The following RNF138 variants were observed in gnomAD, a reference collection of about 807,000 sequenced individuals.
RNF138 encodes the protein E3 ubiquitin-protein ligase RNF138.
A neutral mutation model predicts 31.0 loss-of-function variants in RNF138; 12 were observed. That is an observed-to-expected ratio of 0.39 (90% CI 0.25 to 0.63). RNF138 has a LOEUF of 0.63. Among genes scored for constraint, RNF138 ranks in the 20% least tolerant of loss-of-function variants. The pLI, the probability that RNF138 is intolerant of heterozygous loss-of-function variation, is 0.52. For synonymous variants in RNF138, 105 were observed against 99.5 expected (o/e 1.06, Z -0.33); for missense variants, 192 against 300.1 (o/e 0.64, Z 2.66).
At chr18:32,113,600 T>A (rs955674666) in intron 3 of RNF138, 145 bp from the exon 4 acceptor site, 1 of 496,684 alleles carries the variant, frequency 2.0e-6, no homozygotes, top group Admixed American at 4.2e-5. Flanking sequence ...TAACTCCTAC[T>A]TAAGGATGAA....
chr18:32,107,876 T>A (rs1025083083), intron 2 of RNF138, among the ~76,000 whole-genome samples: 11 of 151,784 alleles, frequency 7.2e-5, no homozygotes, highest in Admixed American at 7.2e-4. Flanking sequence ...GGTACTTTTT[T>A]TTTGGAGACG....
chr18:32,092,683 C>G lies in RNF138; in HGVS notation c.-77-17C>G, dbSNP rs761860085. ...GTATCCTGATGCGATCCCCCTCCCC[C>G]CTCCGGGTTCATGTAGGGAGTCGGG... On this transcript the variant is annotated splice_polypyrimidine_tract_variant and intron_variant, in intron 1 of 7. Coordinates refer to ENST00000261593, the MANE Select transcript of RNF138 (RefSeq NM_016271.5). The G allele has an allele frequency of 2.6e-5, 19 of 736,038 alleles. No homozygotes were observed. The highest frequency in any genetic ancestry group is 1.9e-4 in the Admixed American group (9 of 47,878). 45.6% of individuals were successfully genotyped at this position (736,038 alleles called of 1,614,324 possible). A position where few individuals can be genotyped will look rare whatever the true frequency, so the allele number is the denominator to read the frequency against.
chr18:32,130,159 A>G lies in RNF138; in HGVS notation c.*972A>G, dbSNP rs2040450534. 2 of 152,326 alleles carry G rather than the reference A, an allele frequency of 1.3e-5. No homozygotes were observed. 9.4% of individuals were successfully genotyped at this position (152,326 alleles called of 1,614,324 possible). A position where few individuals can be genotyped will look rare whatever the true frequency, so the allele number is the denominator to read the frequency against. ...GTTATATATAGAATTTCTATTAAGG[A>G]TTTTTTAAATGGACAAGCAATAGGG... On this transcript the variant is annotated 3_prime_UTR_variant, in exon 8 of 8. Coordinates refer to ENST00000261593, the MANE Select transcript of RNF138 (RefSeq NM_016271.5).
At chr18:32,093,326 G>C (rs1166530263) in intron 2 of RNF138, among the ~76,000 whole-genome samples, 1 of 151,986 alleles carries the variant, frequency 6.6e-6, no homozygotes, top group East Asian at 1.9e-4. Context: ...GGCCGGCGGT[G>C]CTCGCGCGGG....
At chr18:32,096,218 G>A (rs1434158390) in intron 2 of RNF138, among the ~76,000 whole-genome samples, 1 of 152,172 alleles carries the variant, frequency 6.6e-6, no homozygotes, top group Non-Finnish European at 1.5e-5. Flanking sequence ...GGAGCAGCGT[G>A]GTCACATTTC....
At chr18:32,103,398 GCC>G (rs1395472508) in intron 2 of RNF138, among the ~76,000 whole-genome samples, 3 of 151,948 alleles carry the variant, frequency 2.0e-5, no homozygotes, top group Non-Finnish European at 4.4e-5. Context: ...TCACTATGTT[GCC>G]CAGGCTGGTC....
At chr18:32,106,651 G>A (rs1159797955) in intron 2 of RNF138, among the ~76,000 whole-genome samples, 1 of 151,498 alleles carries the variant, frequency 6.6e-6, no homozygotes, top group African/African-American at 2.4e-5. Context: ...GGCAAGCTCC[G>A]CCTCCCAGGT....
At chr18:32,119,463 C>T (rs1598861027) in intron 4 of RNF138, among the ~76,000 whole-genome samples, 1 of 151,990 alleles carries the variant, frequency 6.6e-6, no homozygotes, top group African/African-American at 2.4e-5. Context: ...CTAACTCTGT[C>T]TCTCAGGCTG....
intron 2 of RNF138, among the ~76,000 whole-genome samples, chr18:32,100,676 A>G (rs1362471815): frequency 1.3e-5 from 2 of 152,134 alleles, no homozygotes; most frequent in East Asian, 3.9e-4. Context: ...GGGTTTCACC[A>G]TGTTGGTCAG....
At position 32,093,131 on chromosome 18, in the gene RNF138, TCCC is replaced by T. The variant is rs1277271861; in HGVS notation, c.110+246_110+248del. On this transcript the variant is annotated intron_variant, in intron 2 of 7. Transcript: ENST00000261593. ...CTCCCGCTCTCCCGCTCTCCCGCTC[TCCC>T]GCTCTCCCGCTCTCCCTGGCTTTCG... Among the ~76,000 whole-genome samples the T allele has an allele frequency of 9.2e-5, 14 of 151,632 alleles. 1 individual carries two copies. The highest frequency in any genetic ancestry group is 3.3e-4 in the Admixed American group (5 of 15,236).
chr18:32,112,747 C>T (rs1425166515), intron 3 of RNF138, among the ~76,000 whole-genome samples: 1 of 152,166 alleles, frequency 6.6e-6, no homozygotes, highest in Non-Finnish European at 1.5e-5. Flanking sequence ...GTAGGAAAAT[C>T]AGGTGTTAAC....
rs946607765 is a variant in RNF138, at chr18:32,130,230, A to G, written c.*1043A>G. On this transcript the variant is annotated 3_prime_UTR_variant, in exon 8 of 8. Coordinates refer to ENST00000261593, the MANE Select transcript of RNF138 (RefSeq NM_016271.5). Reference sequence around the variant, plus strand: ...TTGTTTAAAATTTTGTATATCACCAAATTTTTAAAAAGTGATAGTCACAGT... The same window carrying G: ...TTGTTTAAAATTTTGTATATCACCAGATTTTTAAAAAGTGATAGTCACAGT... 1.3e-5 allele frequency: 2 copies of G among 152,364 alleles called. No individual in the cohort carries two copies. Among genetic ancestry groups the G allele is most frequent in the Non-Finnish European group, 2.9e-5 (2 of 67,880 alleles). 9.4% of individuals were successfully genotyped at this position (152,364 alleles called of 1,614,324 possible). A position where few individuals can be genotyped will look rare whatever the true frequency, so the allele number is the denominator to read the frequency against.
At chr18:32,109,067 C>G (rs940633564) in intron 2 of RNF138, among the ~76,000 whole-genome samples, 3 of 152,168 alleles carry the variant, frequency 2.0e-5, no homozygotes, top group African/African-American at 7.2e-5. Flanking sequence ...AAAGTTTATA[C>G]TCCCATAGCC....
intron 2 of RNF138, among the ~76,000 whole-genome samples, chr18:32,101,224 TTTTTTTC>T (rs2039933391): frequency 6.6e-6 from 1 of 151,070 alleles, no homozygotes; most frequent in Non-Finnish European, 1.5e-5. Flanking sequence ...CTTTTTTTTT[TTTTTTTC>T]AAAGACAGAG....
chr18:32,095,773 T>C (rs1207034138), intron 2 of RNF138, among the ~76,000 whole-genome samples: 1 of 152,252 alleles, frequency 6.6e-6, no homozygotes, highest in Non-Finnish European at 1.5e-5. Context: ...ATTCATTCCC[T>C]GAAACTGCAG....
chr18:32,128,515 G>A (rs894051996), intron 7 of RNF138, among the ~76,000 whole-genome samples: 2 of 152,220 alleles, frequency 1.3e-5, no homozygotes, highest in African/African-American at 4.8e-5. Context: ...TCCAGCCTGA[G>A]TGACAGAGCC....
At chr18:32,110,189 T>C (rs2144593376) in intron 2 of RNF138, among the ~76,000 whole-genome samples, 1 of 152,200 alleles carries the variant, frequency 6.6e-6, no homozygotes, top group South Asian at 2.1e-4. Context: ...GACAGGGTCT[T>C]GCTATGTTGC....
intron 4 of RNF138, among the ~76,000 whole-genome samples, chr18:32,120,791 C>T (rs866178268): frequency 6.6e-6 from 1 of 152,138 alleles, no homozygotes; most frequent in African/African-American, 2.4e-5. Flanking sequence ...TTTGTGATTG[C>T]ATTACCCTAT....
chr18:32,115,828 C>G (rs1047934523), intron 4 of RNF138, among the ~76,000 whole-genome samples: 2 of 152,178 alleles, frequency 1.3e-5, no homozygotes, highest in African/African-American at 4.8e-5. Flanking sequence ...GCCCTTTCCT[C>G]TCTTTTTATA....
Sources: allele counts gnomAD v4.1 joint callset (sites outside exome capture counted in the v4.1 genomes callset), GRCh38; gene constraint gnomAD v4.1.1; transcripts MANE v1.5; gene names NCBI Gene and HGNC (gene_info 2026-07-23, HGNC 2026-07-21).